ACOXL: variants seen among roughly 807,000 people sequenced by gnomAD.
ACOXL encodes the protein acyl-coenzyme A oxidase-like protein.
In ACOXL, 70 loss-of-function variants were observed where a neutral mutation model predicts 71.9. That is an observed-to-expected ratio of 0.97 (90% CI 0.80 to 1.19). The LOEUF (loss-of-function observed/expected upper bound fraction) is 1.19. ACOXL is among the 50% of genes most tolerant of loss of function. The probability of loss-of-function intolerance (pLI) is 0.00; values close to 1 mark genes in which losing one functional copy is unlikely to be tolerated. For synonymous variants in ACOXL, 253 were observed against 281.6 expected (o/e 0.90, Z 1.02); for missense variants, 703 against 736.3 (o/e 0.95, Z 0.52).
At chr2:110,765,384 C>CA (rs1553533750) in intron 1 of ACOXL, among the ~76,000 whole-genome samples, 1 of 151,748 alleles carries the variant, frequency 6.6e-6, no homozygotes, top group Non-Finnish European at 1.5e-5. Flanking sequence ...TCCAGTCTCT[C>CA]TTTTTTTTGC....
chr2:110,963,591 GT>G (rs756299973), intron 12 of ACOXL: 2 of 1,539,378 alleles, frequency 1.3e-6, no homozygotes, highest in African/African-American at 2.9e-5. Context: ...GTGTGTGTGT[GT>G]GTGTGTGTGT....
intron 16 of ACOXL, among the ~76,000 whole-genome samples, chr2:111,069,936 T>C (rs2067259788): frequency 6.6e-6 from 1 of 151,888 alleles, no homozygotes; most frequent in East Asian, 1.9e-4. Flanking sequence ...AGGGGGACAG[T>C]GAGTTTGCCA....
intron 12 of ACOXL, among the ~76,000 whole-genome samples, chr2:110,970,731 CT>C (rs1447517410): frequency 1.3e-5 from 2 of 152,164 alleles, no homozygotes. Flanking sequence ...GAAAGATGGC[CT>C]TTTAAGCAAA....
chr2:110,876,604 G>A (rs1456563987), intron 10 of ACOXL, among the ~76,000 whole-genome samples: 3 of 152,172 alleles, frequency 2.0e-5, no homozygotes, highest in Admixed American at 6.5e-5. Flanking sequence ...GTGCTTCTCC[G>A]CAGGCACCGT....
intron 15 of ACOXL, among the ~76,000 whole-genome samples, chr2:111,033,253 G>A (rs974086754): frequency 2.0e-5 from 3 of 152,164 alleles, no homozygotes; most frequent in Non-Finnish European, 4.4e-5. Context: ...ATTGGGTCCC[G>A]TCATTTGCAG....
intron 2 of ACOXL, among the ~76,000 whole-genome samples, chr2:110,769,863 C>T (rs1482276468): frequency 6.6e-6 from 1 of 151,522 alleles, no homozygotes; most frequent in African/African-American, 2.4e-5. Flanking sequence ...AATAAAAAAC[C>T]CCAAAAACCC....
chr2:111,004,266 G>A (rs920643529), intron 14 of ACOXL, among the ~76,000 whole-genome samples: 3 of 151,938 alleles, frequency 2.0e-5, no homozygotes, highest in African/African-American at 7.3e-5. Flanking sequence ...TTCTAGTAAT[G>A]GTCTTTAATT....
intron 14 of ACOXL, among the ~76,000 whole-genome samples, chr2:111,031,050 A>C (rs193290364): frequency 1.3e-5 from 2 of 152,372 alleles, no homozygotes; most frequent in African/African-American, 4.8e-5. Context: ...TCTTGCACAG[A>C]GTAGATGCAG....
intron 12 of ACOXL, among the ~76,000 whole-genome samples, chr2:110,960,953 G>A (rs75550122): frequency 2.7e-3 from 418 of 152,292 alleles, no homozygotes; most frequent in Non-Finnish European, 4.8e-3. Flanking sequence ...ATGGATGCTG[G>A]GACTTTCTAA....
chr2:110,918,319 T>C (rs1237818966), intron 11 of ACOXL, among the ~76,000 whole-genome samples: 1 of 152,204 alleles, frequency 6.6e-6, no homozygotes, highest in Non-Finnish European at 1.5e-5. Context: ...AAGGATTCCC[T>C]GTTTAATAAA....
intron 10 of ACOXL, among the ~76,000 whole-genome samples, chr2:110,879,052 G>T (rs1394527340): frequency 7.8e-6 from 1 of 127,802 alleles, no homozygotes; most frequent in Non-Finnish European, 1.7e-5. Context: ...GCGAGGCTCC[G>T]TTAAAAAAAA....
chr2:110,953,054 T>A (rs1486985355), intron 12 of ACOXL, among the ~76,000 whole-genome samples: 2 of 152,204 alleles, frequency 1.3e-5, no homozygotes, highest in African/African-American at 4.8e-5. Flanking sequence ...GAATTCTTAC[T>A]ATATGTCAAG....
chr2:111,074,600 T>C (rs2067507771), intron 16 of ACOXL, among the ~76,000 whole-genome samples: 1 of 152,146 alleles, frequency 6.6e-6, no homozygotes, highest in African/African-American at 2.4e-5. Context: ...CAATGTCTTT[T>C]GATTTTTTTT....
At position 110,820,153 on chromosome 2, in the gene ACOXL, T is replaced by C. The variant is rs192933253; in HGVS notation, c.753+14758T>C. On this transcript the variant is annotated intron_variant, in intron 9 of 17. Coordinates refer to ENST00000439055, the MANE Select transcript of ACOXL (RefSeq NM_001142807.4). Reference sequence around the variant, plus strand: ...CTGAACCCAGGTCCATGTGGGACCATAGCCTGTGCCTGGTGCTGTAACAAG... The same window carrying C: ...CTGAACCCAGGTCCATGTGGGACCACAGCCTGTGCCTGGTGCTGTAACAAG... Among the ~76,000 whole-genome samples the C allele has an allele frequency of 2.0e-5, 3 of 152,280 alleles. No homozygotes were observed. The East Asian group carries it at 5.8e-4, about 29-fold the overall frequency.
chr2:110,818,503 A>G (rs1026227957), intron 9 of ACOXL, among the ~76,000 whole-genome samples: 18 of 59,914 alleles, frequency 3.0e-4, no homozygotes, highest in East Asian at 1.0e-3. Context: ...GTGTATGTGT[A>G]TATATATATG....
intron 10 of ACOXL, among the ~76,000 whole-genome samples, chr2:110,900,964 T>G (rs1335379815): frequency 6.6e-6 from 1 of 152,230 alleles, no homozygotes; most frequent in Non-Finnish European, 1.5e-5. Flanking sequence ...GAGGGGCTTC[T>G]GTGGTCTCCA....
intron 8 of ACOXL, 152 bp downstream of exon 8, chr2:110,801,876 AC>A: frequency 1.6e-6 from 1 of 628,236 alleles, no homozygotes; most frequent in Non-Finnish European, 2.8e-6. Flanking sequence ...TGGAAAAGAT[AC>A]GTCTGCAGAT....
At chr2:111,091,336 T>C (rs1383743476) in intron 16 of ACOXL, among the ~76,000 whole-genome samples, 2 of 152,244 alleles carry the variant, frequency 1.3e-5, no homozygotes, top group African/African-American at 4.8e-5. Flanking sequence ...GGTTGAACCC[T>C]GGCTGATACA....
chr2:110,963,272 T>C (rs989476729), intron 12 of ACOXL, among the ~76,000 whole-genome samples: 2 of 151,998 alleles, frequency 1.3e-5, no homozygotes, highest in Non-Finnish European at 2.9e-5. Context: ...TATGGTGAGG[T>C]ATAATCACTA....
Sources: gnomAD v4.1 joint callset for allele counts (sites outside exome capture counted in the v4.1 genomes callset) on GRCh38, gnomAD v4.1.1 for gene constraint, MANE v1.5 for transcripts, NCBI Gene and HGNC (gene_info 2026-07-23, HGNC 2026-07-21) for gene names.